STX8: variants seen among roughly 807,000 people sequenced by gnomAD.
STX8 encodes syntaxin-8.
STX8 carries 23 observed loss-of-function variants against 37.5 expected under a neutral mutation model. That is an observed-to-expected ratio of 0.61 (90% confidence interval 0.44 to 0.87). The LOEUF is 0.87. STX8 is among the 40% of genes least tolerant of loss of function. The pLI is 0.00. For synonymous variants in STX8, 115 were observed against 99.1 expected, an observed-to-expected ratio of 1.16 and a Z score of -0.95; for missense variants, 313 against 284.7, an observed-to-expected ratio of 1.10 and a Z score of -0.71.
intron 7 of STX8, among the ~76,000 whole-genome samples, chr17:9,323,486 AG>A (rs1185558394): frequency 2.0e-5 from 3 of 152,202 alleles, no homozygotes; most frequent in Non-Finnish European, 4.4e-5. Context: ...CATTGTGTCC[AG>A]GCAAAGGAAA....
At chr17:9,281,596 G>A (rs774326442) in intron 7 of STX8, among the ~76,000 whole-genome samples, 1 of 152,272 alleles carries the variant, frequency 6.6e-6, no homozygotes, top group South Asian at 2.1e-4. Context: ...TCTACTGTGA[G>A]TATCCTAACT....
chr17:9,509,769 T>C (rs185839193), intron 4 of STX8, among the ~76,000 whole-genome samples: 10 of 151,964 alleles, frequency 6.6e-5, no homozygotes, highest in Admixed American at 5.2e-4. Context: ...AGTCCTCACC[T>C]ATTAATAATA....
chr17:9,429,765 TTA>T lies in STX8; in HGVS notation c.542-51114_542-51113del, dbSNP rs1234153294. 1.6e-4 allele frequency among the ~76,000 whole-genome samples: 3 copies of T among 18,604 alleles called. 1 individual carries two copies. Among genetic ancestry groups the T allele is most frequent in the East Asian group, 1.4e-3 (3 of 2,212 alleles). 12.2% of individuals were successfully genotyped at this position (18,604 alleles called of 152,430 possible). On this transcript the variant is annotated intron_variant, in intron 6 of 7. Coordinates refer to ENST00000306357, the MANE Select transcript of STX8 (RefSeq NM_004853.3). ...TATTATATATATTATATTTTATATA[TTA>T]TATATAACATATATATTTTATATAT... is the stretch of plus-strand genomic sequence containing the variant.
chr17:9,416,662 C>T (rs565817339), intron 6 of STX8, among the ~76,000 whole-genome samples: 54 of 152,284 alleles, frequency 3.5e-4, no homozygotes, highest in Non-Finnish European at 6.3e-4. Flanking sequence ...CCACCACGCC[C>T]GGCCTGCAGT....
chr17:9,441,519 T>A (rs983947435), intron 6 of STX8, among the ~76,000 whole-genome samples: 37 of 150,784 alleles, frequency 2.5e-4, no homozygotes, highest in Middle Eastern at 6.9e-3. Flanking sequence ...GAGTCAAATA[T>A]CCTTATATCC....
intron 6 of STX8, among the ~76,000 whole-genome samples, chr17:9,466,448 T>C (rs897646016): frequency 6.6e-6 from 1 of 152,150 alleles, no homozygotes; most frequent in African/African-American, 2.4e-5. Flanking sequence ...CCCTGGGAGA[T>C]AAGTACTACT....
At chr17:9,406,044 A>G (rs1428291800) in intron 6 of STX8, among the ~76,000 whole-genome samples, 1 of 152,232 alleles carries the variant, frequency 6.6e-6, no homozygotes, top group Admixed American at 6.5e-5. Context: ...TATAAGTGCA[A>G]GGATTTTGCA....
chr17:9,485,470 CCTG>C (rs1222484567), intron 6 of STX8, among the ~76,000 whole-genome samples: 6 of 152,152 alleles, frequency 3.9e-5, no homozygotes, highest in Non-Finnish European at 8.8e-5. Context: ...AAAATGTATG[CCTG>C]CTGTTGTTCA....
In STX8 at chr17:9,400,845, G is replaced by C. The variant is rs912357775; in HGVS notation, c.542-22192C>G. Among the ~76,000 whole-genome samples, 14 of 152,308 alleles carry C rather than the reference G, an allele frequency of 9.2e-5. 1 individual carries two copies. The highest frequency in any genetic ancestry group is 7.2e-4 in the Admixed American group (11 of 15,298). Reference sequence around the variant, plus strand: ...TTATCTAACTTCAAGTCTTGGATCAGAATACAACCTCCAACTGTGAGCCAA... The same window carrying C: ...TTATCTAACTTCAAGTCTTGGATCACAATACAACCTCCAACTGTGAGCCAA... On this transcript the variant is annotated intron_variant, in intron 6 of 7. Transcript: ENST00000306357.
intron 7 of STX8, among the ~76,000 whole-genome samples, chr17:9,326,717 G>A (rs1909765720): frequency 6.6e-6 from 1 of 152,204 alleles, no homozygotes; most frequent in Admixed American, 6.5e-5. Flanking sequence ...AGGGACATGG[G>A]AGACTGCATG....
intron 6 of STX8, among the ~76,000 whole-genome samples, chr17:9,417,305 T>G (rs1567551169): frequency 6.6e-6 from 1 of 152,090 alleles, no homozygotes; most frequent in Non-Finnish European, 1.5e-5. Context: ...TTTAGTATAT[T>G]TTTTTCCTTT....
chr17:9,285,497 A>G (rs1413284728), intron 7 of STX8, among the ~76,000 whole-genome samples: 3 of 151,892 alleles, frequency 2.0e-5, no homozygotes, highest in African/African-American at 7.3e-5. Context: ...TCAATACCAC[A>G]TTTCCTGGTC....
chr17:9,436,409 A>G (rs1904434600), intron 6 of STX8, among the ~76,000 whole-genome samples: 1 of 151,812 alleles, frequency 6.6e-6, no homozygotes, highest in Admixed American at 6.6e-5. Context: ...TAATAAACCC[A>G]AAGACTCCAT....
intron 7 of STX8, among the ~76,000 whole-genome samples, chr17:9,352,466 C>CTTTTTT (rs745427686): frequency 1.1e-5 from 1 of 88,120 alleles, no homozygotes; most frequent in Non-Finnish European, 2.2e-5. Context: ...CTTACTCCCA[C>CTTTTTT]TTTTTTTTTT....
At chr17:9,451,401 G>C (rs1905036108) in intron 6 of STX8, among the ~76,000 whole-genome samples, 1 of 152,082 alleles carries the variant, frequency 6.6e-6, no homozygotes, top group East Asian at 1.9e-4. Context: ...CACGTTTAAT[G>C]TAACTTTCCA....
chr17:9,457,917 G>C (rs1042699905), intron 6 of STX8, among the ~76,000 whole-genome samples: 1 of 152,162 alleles, frequency 6.6e-6, no homozygotes, highest in Non-Finnish European at 1.5e-5. Flanking sequence ...ACTGTGATTG[G>C]CATAGGATAA....
chr17:9,458,364 T>G (rs748643444), intron 6 of STX8, among the ~76,000 whole-genome samples: 10 of 152,138 alleles, frequency 6.6e-5, no homozygotes, highest in Non-Finnish European at 1.5e-4. Context: ...TCAGCCAGGA[T>G]GGTGTCGATC....
intron 7 of STX8, among the ~76,000 whole-genome samples, chr17:9,329,211 C>T (rs1909883196): frequency 6.6e-6 from 1 of 151,858 alleles, no homozygotes; most frequent in Non-Finnish European, 1.5e-5. Flanking sequence ...AAACAAAACA[C>T]GAAAACCAAA....
intron 7 of STX8, among the ~76,000 whole-genome samples, chr17:9,360,530 C>G (rs1364432751): frequency 6.6e-6 from 1 of 151,988 alleles, no homozygotes; most frequent in Non-Finnish European, 1.5e-5. Context: ...GCTACCATCT[C>G]TACTATATTT....
Sources: allele counts gnomAD v4.1 joint callset (sites outside exome capture counted in the v4.1 genomes callset), GRCh38; gene constraint gnomAD v4.1.1; transcripts MANE v1.5; gene names NCBI Gene and HGNC (gene_info 2026-07-23, HGNC 2026-07-21).